Variants in FREM2 observed in about 807,000 individuals in gnomAD.
FREM2 encodes the protein FRAS1 related extracellular matrix 2.
Under a neutral mutation model 219.9 loss-of-function variants are expected in FREM2, and 119 were observed. The ratio of observed to expected loss-of-function variants is 0.54; its 90% CI spans 0.47 to 0.63. The LOEUF (loss-of-function observed/expected upper bound fraction) is 0.63. Ranked by LOEUF, FREM2 falls within the 30% of genes least tolerant of loss-of-function variation. The pLI, the probability that FREM2 is intolerant of heterozygous loss-of-function variation, is 0.00. For synonymous variants in FREM2, 1,562 were observed against 1,522.8 expected (o/e 1.03, Z -0.60); for missense variants, 4,030 against 3,993.6 (o/e 1.01, Z -0.25).
At chr13:38,781,786 T>C (rs1874127822) in intron 4 of FREM2, among the ~76,000 whole-genome samples, 1 of 152,088 alleles carries the variant, frequency 6.6e-6, no homozygotes, top group African/African-American at 2.4e-5. Context: ...TACCTAGGCA[T>C]GGTAAAATGC....
At position 38,877,191 on chromosome 13, in the gene FREM2, G is replaced by T. The variant is rs745468085; in HGVS notation, c.8619G>T (p.Leu2873Phe). The change falls in exon 21 of 24, where the codon TTG (leucine) becomes TTT (phenylalanine). Residue 2873 changes from leucine to phenylalanine, a missense_variant. Around this residue, in one of 2 missense-constraint regions of FREM2, gnomAD observed 928 missense variants for 1,042.9 expected, o/e 0.89. Transcript: ENST00000280481. ...MYLLSKKSLW[L>F]SDGSMGFGQE... Reference sequence around the variant, plus strand: ...TGCTCTCTAAGAAGAGTCTCTGGTTGTCTGATGGATCCATGGGATTCGGGC... The same window carrying T: ...TGCTCTCTAAGAAGAGTCTCTGGTTTTCTGATGGATCCATGGGATTCGGGC... 6 of 1,614,128 alleles carry T rather than the reference G, an allele frequency of 3.7e-6. No homozygotes were observed. The highest frequency in any genetic ancestry group is 1.6e-4 in the Middle Eastern group (1 of 6,062).
chr13:38,778,645 A>G (rs1001299305), intron 4 of FREM2, among the ~76,000 whole-genome samples: 1 of 152,090 alleles, frequency 6.6e-6, no homozygotes, highest in Admixed American at 6.6e-5. Flanking sequence ...GCATTTCAGA[A>G]GGTGGAGGGT....
chr13:38,831,675 T>G (rs1876516098), intron 6 of FREM2, among the ~76,000 whole-genome samples: 1 of 151,376 alleles, frequency 6.6e-6, no homozygotes, highest in Non-Finnish European at 1.5e-5. Context: ...AGTGGTGTGA[T>G]TTTGGCTCAC....
At chr13:38,757,373 G>A (rs951218314) in intron 2 of FREM2, among the ~76,000 whole-genome samples, 2 of 152,108 alleles carry the variant, frequency 1.3e-5, no homozygotes, top group Non-Finnish European at 2.9e-5. Flanking sequence ...ATATTGAGTA[G>A]AGTATGAAAT....
intron 11 of FREM2, among the ~76,000 whole-genome samples, chr13:38,854,163 T>C (rs980450990): frequency 1.3e-5 from 2 of 150,432 alleles, no homozygotes; most frequent in African/African-American, 4.9e-5. Flanking sequence ...AAAGTTGAAA[T>C]TTTTTCATGC....
rs369652241 is a variant in FREM2 at position 38,814,839 on chromosome 13, A to G, written c.6019+30031A>G. On this transcript the variant is annotated intron_variant, in intron 6 of 23. Transcript: ENST00000280481. ...GCAGTCAGAGGAGCCTCTCCCTGGG[A>G]CCACCACCACCACTGATCCATGGGG... is the stretch of plus-strand genomic sequence containing the variant. 4.1e-4 allele frequency among the ~76,000 whole-genome samples: 63 copies of G among 152,228 alleles called. 2 individuals are homozygous for G. The South Asian group carries it at 0.012, about 30-fold the overall frequency.
At chr13:38,702,424 C>T (rs779684959) in intron 2 of FREM2, among the ~76,000 whole-genome samples, 3 of 152,126 alleles carry the variant, frequency 2.0e-5, no homozygotes, top group Non-Finnish European at 4.4e-5. Context: ...TTTTCAGTTA[C>T]CCCAGTATTT....
chr13:38,823,696 A>G (rs1876161611), intron 6 of FREM2, among the ~76,000 whole-genome samples: 1 of 152,012 alleles, frequency 6.6e-6, no homozygotes. Context: ...ATAATAACTT[A>G]TGGTGACTGA....
chr13:38,721,780 A>T (rs1489276564), intron 2 of FREM2, among the ~76,000 whole-genome samples: 1 of 152,160 alleles, frequency 6.6e-6, no homozygotes, highest in Non-Finnish European at 1.5e-5. Context: ...TTTTAGTGGG[A>T]TAAAATAGTT....
chr13:38,726,937 G>A (rs1045415482), intron 2 of FREM2, among the ~76,000 whole-genome samples: 1 of 152,198 alleles, frequency 6.6e-6, no homozygotes. Flanking sequence ...CGGTAAAACT[G>A]CCAAGTTGCC....
rs765152235 is a variant in FREM2 at position 38,689,669 on chromosome 13, C to T, written c.2325C>T (p.Thr775=). The change falls in exon 1 of 24, where the codon ACC becomes ACT. Residue 775 remains threonine (T), a synonymous_variant. Transcript: ENST00000280481. ...CCTCAGTCGTGGTGACCCATTTTAC[C>T]CAAGCCCAGATCAACCATCATAAAA... The part of the protein sequence containing the change: ...DNPSVVVTHF[T]QAQINHHKIA... 11 of 1,613,974 alleles carry T rather than the reference C, an allele frequency of 6.8e-6. No homozygotes were observed. Among genetic ancestry groups the T allele is most frequent in the South Asian group, 5.5e-5 (5 of 91,078 alleles).
intron 2 of FREM2, among the ~76,000 whole-genome samples, chr13:38,731,703 G>A (rs1871773339): frequency 6.6e-6 from 1 of 152,160 alleles, no homozygotes; most frequent in African/African-American, 2.4e-5. Flanking sequence ...AAACAACTGA[G>A]AAATAACTTG....
At chr13:38,728,051 A>G (rs1021838421) in intron 2 of FREM2, among the ~76,000 whole-genome samples, 3 of 152,242 alleles carry the variant, frequency 2.0e-5, no homozygotes, top group Non-Finnish European at 2.9e-5. Context: ...AGAAAATAAG[A>G]CAAGTAGACA....
chr13:38,711,286 A>T (rs1481416199), intron 2 of FREM2, among the ~76,000 whole-genome samples: 1 of 152,212 alleles, frequency 6.6e-6, no homozygotes, highest in Non-Finnish European at 1.5e-5. Flanking sequence ...TTAGAGAGTC[A>T]GTTAAATGAC....
rs147402827 is a variant in FREM2 at position 38,735,084 on chromosome 13, T to A, written c.5264-29220T>A. Among the ~76,000 whole-genome samples the A allele has an allele frequency of 5.6e-4, 86 of 152,276 alleles. No individual in the cohort carries two copies. In the East Asian group the frequency reaches 0.016, roughly 29 times the overall value. The stretch of plus-strand genomic sequence containing the variant: ...TTTAGAAATCTCTTTAATGTTTGGC[T>A]TAATAGAGGACAGCTGGATTCTGAT... On this transcript the variant is annotated intron_variant, in intron 2 of 23. Coordinates refer to ENST00000280481, the MANE Select transcript of FREM2 (RefSeq NM_207361.6).
At position 38,736,328 on chromosome 13, in the gene FREM2, T is replaced by C. The variant is rs184885441; in HGVS notation, c.5264-27976T>C. 6.6e-5 allele frequency among the ~76,000 whole-genome samples: 10 copies of C among 152,306 alleles called. No individual in the cohort carries two copies. In the East Asian group the frequency reaches 1.9e-3, roughly 29 times the overall value. ...GGACCTAAAAACAAATGACTGGTAA[T>C]TGTGGCTGAGAGGCTTACGTATGAA... On this transcript the variant is annotated intron_variant, in intron 2 of 23. Coordinates refer to ENST00000280481, the MANE Select transcript of FREM2 (RefSeq NM_207361.6).
chr13:38,821,418 A>G (rs1318944981), intron 6 of FREM2, among the ~76,000 whole-genome samples: 1 of 152,114 alleles, frequency 6.6e-6, no homozygotes, highest in Non-Finnish European at 1.5e-5. Flanking sequence ...ATAATAATTT[A>G]TATTGAAATT....
intron 1 of FREM2, among the ~76,000 whole-genome samples, chr13:38,694,036 G>A (rs940493597): frequency 2.6e-5 from 4 of 152,152 alleles, no homozygotes; most frequent in African/African-American, 4.8e-5. Context: ...TTACTCCTCT[G>A]ACCTGAAAAA....
At chr13:38,850,818 G>T in intron 9 of FREM2, 126 bp from the exon 10 acceptor site, 1 of 1,039,958 alleles carries the variant, frequency 9.6e-7, no homozygotes, top group Non-Finnish European at 1.5e-6. Context: ...CTTATTGCAT[G>T]CCAAACACTA....
Sources: allele counts gnomAD v4.1 joint callset (sites outside exome capture counted in the v4.1 genomes callset), GRCh38; gene constraint gnomAD v4.1.1; regional missense constraint gnomAD v4.1.1; transcripts MANE v1.5; gene names NCBI Gene and HGNC (gene_info 2026-07-23, HGNC 2026-07-21).